Variants in BCL2L1 observed in about 807,000 individuals in gnomAD.
BCL2L1 encodes bcl-2-like protein 1.
A neutral mutation model predicts 18.7 loss-of-function variants in BCL2L1; 1 was observed. That is an observed-to-expected ratio of 0.05 (90% CI 0.02 to 0.25). The LOEUF is 0.25. Ranked by LOEUF, BCL2L1 falls within the 10% of genes least tolerant of loss-of-function variation. The probability of loss-of-function intolerance (pLI) is 1.00; values close to 1 mark genes in which losing one functional copy is unlikely to be tolerated. For synonymous variants in BCL2L1, 103 were observed against 122.7 expected (o/e 0.84, Z 1.06); for missense variants, 207 against 304.9 (o/e 0.68, Z 2.39).
chr20:31,708,674 C>G (rs2061407042), intron 2 of BCL2L1, among the ~76,000 whole-genome samples: 1 of 152,176 alleles, frequency 6.6e-6, no homozygotes, highest in African/African-American at 2.4e-5. Context: ...CTTCCTTAGG[C>G]CAGAACCATG....
At chr20:31,717,983 CTT>C (rs1442552311) in intron 2 of BCL2L1, among the ~76,000 whole-genome samples, 1 of 152,188 alleles carries the variant, frequency 6.6e-6, no homozygotes, top group African/African-American at 2.4e-5. Context: ...ATCACAGGGA[CTT>C]TGTTTCTCAA....
chr20:31,667,016 C>A (rs2060598338), intron 2 of BCL2L1, among the ~76,000 whole-genome samples: 1 of 152,174 alleles, frequency 6.6e-6, no homozygotes, highest in Admixed American at 6.5e-5. Flanking sequence ...ATCCTCCCAA[C>A]AATTCTGCAA....
At chr20:31,694,215 G>A (rs1422463059) in intron 2 of BCL2L1, among the ~76,000 whole-genome samples, 1 of 152,150 alleles carries the variant, frequency 6.6e-6, no homozygotes, top group African/African-American at 2.4e-5. Context: ...CATGTGAGAG[G>A]CTGGGCCCAG....
At chr20:31,695,946 CAT>C (rs2061161209) in intron 2 of BCL2L1, among the ~76,000 whole-genome samples, 1 of 152,160 alleles carries the variant, frequency 6.6e-6, no homozygotes, top group Non-Finnish European at 1.5e-5. Context: ...TACTACCTCA[CAT>C]GTTATTTATT....
intron 2 of BCL2L1, among the ~76,000 whole-genome samples, chr20:31,697,575 C>T (rs192213665): frequency 6.6e-6 from 1 of 151,926 alleles, no homozygotes; most frequent in East Asian, 2.0e-4. Flanking sequence ...GTAGCTGGGA[C>T]TGCAGGTGCC....
At chr20:31,695,775 T>C (rs573947579) in intron 2 of BCL2L1, among the ~76,000 whole-genome samples, 46 of 152,316 alleles carry the variant, frequency 3.0e-4, no homozygotes, top group African/African-American at 1.0e-3. Context: ...TGCTGTTCTC[T>C]ATGCCTACAA....
chr20:31,720,688 A>G (rs1399888210), intron 2 of BCL2L1: 2 of 981,496 alleles, frequency 2.0e-6, no homozygotes, highest in African/African-American at 3.5e-5. Flanking sequence ...CACATTTTTT[A>G]GTGAAAGAAA....
intron 2 of BCL2L1, among the ~76,000 whole-genome samples, chr20:31,700,339 C>T (rs1158576825): frequency 6.6e-6 from 1 of 152,208 alleles, no homozygotes; most frequent in Non-Finnish European, 1.5e-5. Context: ...ATTTCAGAAG[C>T]TGCCATTGCC....
chr20:31,665,802 A>C lies in BCL2L1; in HGVS notation c.*147T>G, dbSNP rs2060577128. On this transcript the variant is annotated 3_prime_UTR_variant, in exon 3 of 3. Coordinates refer to ENST00000307677, the MANE Select transcript of BCL2L1 (RefSeq NM_138578.3). ...TGATAAATTCTAGAAAACTAGCTGCAAGGGACCAGATCTGGGCCCAACCCT... is the reference window on the plus strand; with the variant it reads ...TGATAAATTCTAGAAAACTAGCTGCCAGGGACCAGATCTGGGCCCAACCCT... 1.1e-5 allele frequency: 11 copies of C among 1,047,584 alleles called. No homozygotes were observed. In the South Asian group the frequency reaches 1.8e-4, roughly 17 times the overall value. 64.9% of individuals were successfully genotyped at this position (1,047,584 alleles called of 1,614,324 possible). A position where few individuals can be genotyped will look rare whatever the true frequency, so the allele number is the denominator to read the frequency against.
intron 2 of BCL2L1, among the ~76,000 whole-genome samples, chr20:31,697,892 G>GTTTTTTTTTGTTTGTTTGTTTTT (rs1555871506): frequency 3.1e-5 from 4 of 129,640 alleles, no homozygotes; most frequent in African/African-American, 1.3e-4. Context: ...TGCTGTTGCT[G>GTTTTTTTTTGTTTGTTTGTTTTT]TTTTTTTTTT....
Position 31,722,145 on chromosome 20 carries a change from C to T in BCL2L1, c.74G>A (p.Ser25Asn). The change falls in exon 2 of 3, where the codon AGT (serine) becomes AAT (asparagine). Residue 25 changes from serine (S) to asparagine (N), a missense_variant. By Grantham distance (46) the Ser-to-Asn change is conservative (BLOSUM62 1). Coordinates refer to ENST00000307677, the MANE Select transcript of BCL2L1 (RefSeq NM_138578.3). ...GTTCTCTTCCACATCACTAAACTGA[C>T]TCCAGCTGTATCCTTTCTGGGAAAG... is the stretch of plus-strand genomic sequence containing the variant. Reference protein sequence around the residue: ...YKLSQKGYSWSQFSDVEENRT... With the variant: ...YKLSQKGYSWNQFSDVEENRT... 6.6e-7 allele frequency: 1 copy of T among 1,515,804 alleles called. No individual in the cohort carries two copies. The highest frequency in any genetic ancestry group is 1.4e-5 in the African/African-American group (1 of 72,182). The allele number at this position is 1,515,804 out of a possible 1,614,324, so 93.9% of individuals were successfully genotyped here.
chr20:31,693,311 T>A (rs80205984), intron 2 of BCL2L1, among the ~76,000 whole-genome samples: 2,870 of 150,664 alleles, frequency 0.019, 87 homozygotes, highest in African/African-American at 0.065. Flanking sequence ...CTAAAAAAAA[T>A]AATAATAATA....
chr20:31,696,136 G>A (rs1362868157), intron 2 of BCL2L1, among the ~76,000 whole-genome samples: 1 of 152,178 alleles, frequency 6.6e-6, no homozygotes, highest in Non-Finnish European at 1.5e-5. Context: ...CACTGGGTGA[G>A]AATAGGGACT....
At position 31,722,176 on chromosome 20, in the gene BCL2L1, A is replaced by G. The variant is rs759603556; in HGVS notation, c.43T>C (p.Tyr15His). 8.0e-6 allele frequency: 12 copies of G among 1,500,248 alleles called. No homozygotes were observed. The highest frequency in any genetic ancestry group is 1.1e-5 in the Non-Finnish European group (12 of 1,131,738). The allele number at this position is 1,500,248 out of a possible 1,614,324, so 92.9% of individuals were successfully genotyped here. A position where few individuals can be genotyped will look rare whatever the true frequency, so the allele number is the denominator to read the frequency against. ...NRELVVDFLS[Y>H]KLSQKGYSWS... ...CTGTATCCTTTCTGGGAAAGCTTGT[A>G]GGAGAGAAAGTCAACCACCAGCTCC... is the stretch of plus-strand genomic sequence containing the variant. Residue 15 changes from tyrosine to histidine, a missense_variant, in exon 2 of 3, where the codon TAC (tyrosine) becomes CAC (histidine). Coordinates refer to ENST00000307677, the MANE Select transcript of BCL2L1 (RefSeq NM_138578.3).
chr20:31,688,864 C>A (rs990801970), intron 2 of BCL2L1, among the ~76,000 whole-genome samples: 1 of 152,156 alleles, frequency 6.6e-6, no homozygotes, highest in African/African-American at 2.4e-5. Context: ...TATGTACTGA[C>A]ACAGAAAGAT....
At chr20:31,669,432 T>G (rs2376991) in intron 2 of BCL2L1, among the ~76,000 whole-genome samples, 4 of 150,356 alleles carry the variant, frequency 2.7e-5, no homozygotes, top group Non-Finnish European at 4.4e-5. Flanking sequence ...GTTTTTGTTG[T>G]GATGTGTCTT....
intron 2 of BCL2L1, among the ~76,000 whole-genome samples, chr20:31,712,295 C>T (rs1338712130): frequency 1.3e-5 from 2 of 152,182 alleles, no homozygotes; most frequent in African/African-American, 4.8e-5. Flanking sequence ...GGCTTTGCCT[C>T]TTACTAACTG....
intron 2 of BCL2L1, among the ~76,000 whole-genome samples, chr20:31,680,126 G>T (rs79012800): frequency 6.6e-6 from 1 of 152,192 alleles, no homozygotes; most frequent in Admixed American, 6.5e-5. Flanking sequence ...CTTGCAAGTA[G>T]GTGCTGTTCC....
chr20:31,717,222 A>T (rs2061550940), intron 2 of BCL2L1, among the ~76,000 whole-genome samples: 1 of 152,240 alleles, frequency 6.6e-6, no homozygotes, highest in Non-Finnish European at 1.5e-5. Context: ...GGGCACTGGC[A>T]AAACCAGGGA....
Sources: allele counts gnomAD v4.1 joint callset (sites outside exome capture counted in the v4.1 genomes callset), GRCh38; gene constraint gnomAD v4.1.1; transcripts MANE v1.5; gene names NCBI Gene and HGNC (gene_info 2026-07-23, HGNC 2026-07-21).